SOX5: variants seen among roughly 807,000 people sequenced by gnomAD.
The protein encoded by SOX5 is SRY-box transcription factor 5.
Under a neutral mutation model 92.0 loss-of-function variants are expected in SOX5, and 9 were observed. The observed-to-expected ratio is 0.10, with a 90% CI of 0.06 to 0.17. SOX5 has a LOEUF of 0.17. Among genes scored for constraint, SOX5 ranks in the 10% least tolerant of loss-of-function variants. The probability of loss-of-function intolerance (pLI) is 1.00; values close to 1 mark genes in which losing one functional copy is unlikely to be tolerated. For missense variants in SOX5, 642 were observed against 944.5 expected (o/e 0.68, Z 4.20); for synonymous variants, 344 against 336.3 (o/e 1.02, Z -0.25).
chr12:23,723,438 G>A (rs1368132271), intron 6 of SOX5, among the ~76,000 whole-genome samples: 1 of 151,912 alleles, frequency 6.6e-6, no homozygotes, highest in Admixed American at 6.6e-5. Flanking sequence ...AATCACGAGT[G>A]GCTATGTCAG....
At chr12:23,651,287 G>C (rs1038111255) in intron 7 of SOX5, among the ~76,000 whole-genome samples, 4 of 151,826 alleles carry the variant, frequency 2.6e-5, no homozygotes, top group Non-Finnish European at 5.9e-5. Context: ...ACTCTTTAGG[G>C]TAGAAATTAT....
intron 3 of SOX5, among the ~76,000 whole-genome samples, chr12:23,843,437 T>C (rs574669761): frequency 3.0e-4 from 46 of 152,098 alleles, no homozygotes; most frequent in Middle Eastern, 6.8e-3. Context: ...GGGAACTCTG[T>C]ACTATCTGCT....
chr12:23,955,129 T>C (rs190429249), upstream of SOX5, among the ~76,000 whole-genome samples: 1 of 152,220 alleles, frequency 6.6e-6, no homozygotes, highest in African/African-American at 2.4e-5. Flanking sequence ...ATTTTCTGCA[T>C]AGTTTTTAAA....
At chr12:24,045,996 T>C (rs1352814122) in intron 4 of SOX5, among the ~76,000 whole-genome samples, 1 of 152,212 alleles carries the variant, frequency 6.6e-6, no homozygotes, top group Non-Finnish European at 1.5e-5. Flanking sequence ...AGCGTCTGTG[T>C]TGCCAGTTGC....
At chr12:24,002,888 T>G (rs956286945) in intron 4 of SOX5, among the ~76,000 whole-genome samples, 2 of 53,354 alleles carry the variant, frequency 3.7e-5, no homozygotes, top group African/African-American at 5.1e-5. Context: ...AAAACTACAT[T>G]ACAAATATTC....
intron 3 of SOX5, among the ~76,000 whole-genome samples, chr12:23,792,384 G>C (rs2095489175): frequency 1.3e-5 from 2 of 151,722 alleles, no homozygotes; most frequent in Admixed American, 1.3e-4. Flanking sequence ...CAGAACTTTG[G>C]GAGACCGAGG....
At chr12:23,975,801 A>G (rs761515632) in intron 4 of SOX5, among the ~76,000 whole-genome samples, 2 of 152,234 alleles carry the variant, frequency 1.3e-5, no homozygotes, top group Non-Finnish European at 2.9e-5. Flanking sequence ...AAGTTTTTCT[A>G]TTATTAAGAC....
intron 2 of SOX5, among the ~76,000 whole-genome samples, chr12:23,867,424 C>T (rs141479123): frequency 3.3e-5 from 5 of 152,230 alleles, no homozygotes; most frequent in Admixed American, 3.3e-4. Context: ...CTTATCCTGT[C>T]TGAACTTTAA....
chr12:23,546,908 C>A (rs1943241725), intron 11 of SOX5, among the ~76,000 whole-genome samples: 1 of 152,158 alleles, frequency 6.6e-6, no homozygotes, highest in Non-Finnish European at 1.5e-5. Context: ...CTGCATTCCT[C>A]ATGCAAGGGT....
chr12:24,004,846 A>G (rs1230307820), intron 4 of SOX5, among the ~76,000 whole-genome samples: 2 of 152,182 alleles, frequency 1.3e-5, no homozygotes, highest in Non-Finnish European at 2.9e-5. Flanking sequence ...ATAGACCAAA[A>G]AAAATTGAAA....
chr12:23,830,163 G>T (rs2135571807), intron 3 of SOX5, among the ~76,000 whole-genome samples: 1 of 152,302 alleles, frequency 6.6e-6, no homozygotes, highest in East Asian at 1.9e-4. Context: ...TTCAAACTCA[G>T]CTAACTCAGT....
intron 4 of SOX5, among the ~76,000 whole-genome samples, chr12:24,087,180 T>C (rs1944101710): frequency 6.6e-6 from 1 of 151,990 alleles, no homozygotes; most frequent in African/African-American, 2.4e-5. Flanking sequence ...CTCTCTCTCT[T>C]TATATTTTAG....
chr12:24,505,964 T>C (rs1435174592), intron 1 of SOX5, among the ~76,000 whole-genome samples: 1 of 152,122 alleles, frequency 6.6e-6, no homozygotes, highest in Non-Finnish European at 1.5e-5. Context: ...TGAATATTTA[T>C]AGGATTTAAG....
At chr12:24,459,913 A>G (rs898420758) in intron 1 of SOX5, among the ~76,000 whole-genome samples, 2 of 152,224 alleles carry the variant, frequency 1.3e-5, no homozygotes, top group Non-Finnish European at 2.9e-5. Flanking sequence ...CATACCTTAC[A>G]ATACTGTGGA....
intron 1 of SOX5, among the ~76,000 whole-genome samples, chr12:24,465,523 G>A (rs1944130232): frequency 6.6e-6 from 1 of 152,154 alleles, no homozygotes; most frequent in Admixed American, 6.5e-5. Context: ...CGTAGTGCTT[G>A]CAAACAAATG....
At chr12:24,561,733 G>A (rs2291436) in intron 1 of SOX5, among the ~76,000 whole-genome samples, 63,169 of 150,290 alleles carry the variant, frequency 0.42, 16,480 homozygotes, top group Non-Finnish European at 0.6. Flanking sequence ...GGGAGGGAGG[G>A]GGAGTGGTAG....
At chr12:24,264,470 G>A (rs1016502843) in intron 3 of SOX5, among the ~76,000 whole-genome samples, 17 of 152,126 alleles carry the variant, frequency 1.1e-4, no homozygotes, top group South Asian at 4.1e-4. Context: ...AAACCTCACC[G>A]TCTGAGGTGT....
At chr12:24,531,593 T>C (rs1951199220) in intron 1 of SOX5, among the ~76,000 whole-genome samples, 1 of 152,196 alleles carries the variant, frequency 6.6e-6, no homozygotes, top group Non-Finnish European at 1.5e-5. Context: ...TGTAAGAAAC[T>C]ATATACTCAT....
At chr12:24,513,199 A>G (rs374607953) in intron 1 of SOX5, among the ~76,000 whole-genome samples, 6 of 152,188 alleles carry the variant, frequency 3.9e-5, no homozygotes, top group African/African-American at 1.4e-4. Context: ...TCTGAGCAGG[A>G]TTAAGGTAGG....
Sources: allele counts gnomAD v4.1 joint callset (sites outside exome capture counted in the v4.1 genomes callset), GRCh38; gene constraint gnomAD v4.1.1; transcripts MANE v1.5; gene names NCBI Gene and HGNC (gene_info 2026-07-23, HGNC 2026-07-21).